FNBP1: variants seen among roughly 807,000 people sequenced by gnomAD.
The protein encoded by FNBP1 is formin-binding protein 1.
A neutral mutation model predicts 90.6 loss-of-function variants in FNBP1; 26 were observed. The ratio of observed to expected loss-of-function variants is 0.29; its 90% CI spans 0.21 to 0.40. The LOEUF (loss-of-function observed/expected upper bound fraction) is 0.40. FNBP1 is among the 10% of genes least tolerant of loss of function. The pLI, the probability that FNBP1 is intolerant of heterozygous loss-of-function variation, is 1.00. For missense variants in FNBP1, 635 were observed against 768.0 expected (o/e 0.83, Z 2.05); for synonymous variants, 260 against 265.2 (o/e 0.98, Z 0.19).
intron 1 of FNBP1, among the ~76,000 whole-genome samples, chr9:129,999,574 G>A (rs2054527157): frequency 6.6e-6 from 1 of 151,564 alleles, no homozygotes; most frequent in Non-Finnish European, 1.5e-5. Context: ...CTCCAGCCTG[G>A]GGCGACAGAG....
intron 1 of FNBP1, among the ~76,000 whole-genome samples, chr9:130,011,215 C>CAAAAAAAAAAAAAAAAAAAAA (rs1192541205): frequency 7.4e-5 from 1 of 13,424 alleles, no homozygotes; most frequent in Admixed American, 1.7e-3. Context: ...GACTCCATCT[C>CAAAAAAAAAAAAAAAAAAAAA]AAAAAAAAAA....
At chr9:130,023,944 C>T (rs1004670246) in intron 1 of FNBP1, among the ~76,000 whole-genome samples, 1 of 152,080 alleles carries the variant, frequency 6.6e-6, no homozygotes, top group Non-Finnish European at 1.5e-5. Context: ...AAAATAGTAC[C>T]CTTTACTCTC....
Position 130,013,442 on chromosome 9 carries a change from T to C in FNBP1, c.25-18484A>G, listed in dbSNP as rs371346673. On this transcript the variant is annotated intron_variant, in intron 1 of 16. Coordinates refer to ENST00000446176, the MANE Select transcript of FNBP1 (RefSeq NM_015033.3). ...TTCATATCCATCAGTCTGGTAAAAA[T>C]TTAAAGTCAGAGAGCACCAAGTGTA... Among the ~76,000 whole-genome samples, 163 of 152,182 alleles carry C rather than the reference T, an allele frequency of 1.1e-3. 4 individuals carry two copies. In the South Asian group the frequency reaches 0.032, roughly 29 times the overall value.
In FNBP1 at chr9:129,903,140, C is replaced by T. The variant is rs548913490; in HGVS notation, c.1296-139G>A. The T allele has an allele frequency of 5.6e-5, 44 of 783,942 alleles. No individual in the cohort carries two copies. In the Admixed American group the frequency reaches 7.4e-4, roughly 13 times the overall value. The allele number at this position is 783,942 out of a possible 1,614,324, so 48.6% of individuals were successfully genotyped here. On this transcript the variant is annotated intron_variant, in intron 12 of 16. Coordinates refer to ENST00000446176, the MANE Select transcript of FNBP1 (RefSeq NM_015033.3). Reference sequence around the variant, plus strand: ...GATCTTGGCTCACTGCAACCTTCACCTCCAGGGTTCAAGCAATTCTGCTGC... The same window carrying T: ...GATCTTGGCTCACTGCAACCTTCACTTCCAGGGTTCAAGCAATTCTGCTGC...
intron 1 of FNBP1, among the ~76,000 whole-genome samples, chr9:130,022,907 G>C (rs2057984745): frequency 6.6e-6 from 1 of 152,180 alleles, no homozygotes; most frequent in African/African-American, 2.4e-5. Flanking sequence ...AGCACTTCAG[G>C]AGGCTGAGGC....
rs528292475 is a variant in FNBP1, at chr9:129,913,530, G to C, written c.1185+2436C>G. ...TCACGCATGTAATCCCAGCACTGTG[G>C]GGGGCTGAGGTGGGCGGATCACCTG... On this transcript the variant is annotated intron_variant, in intron 11 of 16. Coordinates refer to ENST00000446176, the MANE Select transcript of FNBP1 (RefSeq NM_015033.3). 2.8e-4 allele frequency among the ~76,000 whole-genome samples: 42 copies of C among 152,192 alleles called. 1 individual carries two copies. The highest frequency in any genetic ancestry group is 2.7e-3 in the Admixed American group (42 of 15,282).
chr9:129,951,809 G>A (rs1369235659), intron 6 of FNBP1, among the ~76,000 whole-genome samples: 1 of 152,040 alleles, frequency 6.6e-6, no homozygotes, highest in East Asian at 1.9e-4. Context: ...GGTCTATCTT[G>A]CAGTTTTACA....
intron 1 of FNBP1, among the ~76,000 whole-genome samples, chr9:130,025,889 A>C (rs757551218): frequency 3.3e-5 from 5 of 152,134 alleles, no homozygotes. Flanking sequence ...GTGCCACTGC[A>C]CTCCAGCCTG....
chr9:129,978,260 C>T, intron 4 of FNBP1: 5 of 460,598 alleles, frequency 1.1e-5, no homozygotes, highest in Non-Finnish European at 1.9e-5. Context: ...ACTTTGTGAT[C>T]CGCCTGCCTC....
intron 6 of FNBP1, among the ~76,000 whole-genome samples, chr9:129,952,481 G>C (rs907651850): frequency 2.6e-5 from 4 of 152,096 alleles, no homozygotes; most frequent in Non-Finnish European, 4.4e-5. Context: ...CTGGGCGACA[G>C]AGTGAGACTC....
chr9:130,003,371 A>C (rs77121242), intron 1 of FNBP1, among the ~76,000 whole-genome samples: 13,514 of 152,192 alleles, frequency 0.089, 700 homozygotes, highest in Middle Eastern at 0.15. Flanking sequence ...AGGGAGGCTG[A>C]AGCCAGCGGA....
At chr9:129,906,365 C>T (rs1202927987) in intron 12 of FNBP1, among the ~76,000 whole-genome samples, 4 of 152,024 alleles carry the variant, frequency 2.6e-5, no homozygotes, top group Non-Finnish European at 5.9e-5. Flanking sequence ...TGTGCCCTGG[C>T]CCAAATCTCA....
Position 129,916,096 on chromosome 9 carries a change from A to C in FNBP1, c.1171-116T>G, listed in dbSNP as rs1173982278. 1.8e-5 allele frequency: 13 copies of C among 714,984 alleles called. No homozygotes were observed. The African/African-American group carries it at 2.0e-4, about 11-fold the overall frequency. The allele number at this position is 714,984 out of a possible 1,614,324, so 44.3% of individuals were successfully genotyped here. On this transcript the variant is annotated intron_variant, in intron 10 of 16. Coordinates refer to ENST00000446176, the MANE Select transcript of FNBP1 (RefSeq NM_015033.3). ...AACTTGGTCAGTTCCGCCATATTAA[A>C]ATAACACACACGTCTACCCGCTGAT...
chr9:129,952,411 TC>T (rs974981020), intron 6 of FNBP1, among the ~76,000 whole-genome samples: 1 of 151,252 alleles, frequency 6.6e-6, no homozygotes, highest in African/African-American at 2.4e-5. Flanking sequence ...GGCAGGGGAA[TC>T]GCTTGAACCT....
At chr9:129,934,013 C>T (rs2043107034) in intron 6 of FNBP1, among the ~76,000 whole-genome samples, 1 of 152,164 alleles carries the variant, frequency 6.6e-6, no homozygotes, top group African/African-American at 2.4e-5. Context: ...AGTGTTGAAT[C>T]AATTACTCAT....
At chr9:129,992,866 T>C (rs7872219) in intron 2 of FNBP1, among the ~76,000 whole-genome samples, 141,595 of 147,872 alleles carry the variant, frequency 0.96, 67,943 homozygotes, top group East Asian at 1. Flanking sequence ...ACACATATCT[T>C]TTATGCAGAT....
intron 1 of FNBP1, among the ~76,000 whole-genome samples, chr9:130,000,455 C>T (rs995498675): frequency 1.3e-5 from 2 of 151,892 alleles, no homozygotes; most frequent in African/African-American, 4.8e-5. Context: ...GCTGAGATTA[C>T]GCCACAGCAC....
At chr9:129,916,739 A>G (rs2040321364) in intron 10 of FNBP1, among the ~76,000 whole-genome samples, 1 of 152,240 alleles carries the variant, frequency 6.6e-6, no homozygotes, top group African/African-American at 2.4e-5. Flanking sequence ...ATGACAGGAA[A>G]GTAATATTTT....
intron 16 of FNBP1, among the ~76,000 whole-genome samples, chr9:129,892,405 ACACACACAC>A (rs1564242546): frequency 4.6e-4 from 68 of 147,912 alleles, no homozygotes; most frequent in African/African-American, 7.0e-4. Context: ...ACACACACAC[ACACACACAC>A]ACAAAAAGGT....
Sources: allele counts gnomAD v4.1 joint callset (sites outside exome capture counted in the v4.1 genomes callset), GRCh38; gene constraint gnomAD v4.1.1; transcripts MANE v1.5; gene names NCBI Gene and HGNC (gene_info 2026-07-23, HGNC 2026-07-21).